Variants in DENND5B observed in about 807,000 individuals in gnomAD.
DENND5B encodes the protein DENN domain-containing protein 5B.
DENND5B carries 34 observed loss-of-function variants against 140.6 expected under a neutral mutation model. The ratio of observed to expected loss-of-function variants is 0.24; its 90% CI spans 0.18 to 0.32. The LOEUF is 0.32. Ranked by LOEUF, DENND5B falls within the 10% of genes least tolerant of loss-of-function variation. The pLI, the probability that DENND5B is intolerant of heterozygous loss-of-function variation, is 1.00. For synonymous variants in DENND5B, 551 were observed against 562.1 expected (o/e 0.98, Z 0.28); for missense variants, 1,142 against 1,560.2 (o/e 0.73, Z 4.52).
At chr12:31,389,936 C>G (rs1482107070) in intron 19 of DENND5B, among the ~76,000 whole-genome samples, 2 of 150,030 alleles carry the variant, frequency 1.3e-5, no homozygotes, top group Non-Finnish European at 3.0e-5. Context: ...AAGTACCTGA[C>G]AAAGAGAGAT....
intron 1 of DENND5B, among the ~76,000 whole-genome samples, chr12:31,585,253 A>G (rs1256974320): frequency 2.0e-5 from 3 of 152,210 alleles, no homozygotes; most frequent in Non-Finnish European, 4.4e-5. Context: ...ATTAAAATGA[A>G]GGCTGATCCC....
intron 2 of DENND5B, among the ~76,000 whole-genome samples, chr12:31,490,224 G>A (rs574015177): frequency 6.7e-4 from 101 of 151,142 alleles, no homozygotes; most frequent in Non-Finnish European, 1.2e-3. Context: ...TAGCTGCAAT[G>A]TTAAGGAAAC....
rs118076724 is a variant in DENND5B, at chr12:31,525,350, C to T, written c.128-29431G>A. 2.6e-3 allele frequency among the ~76,000 whole-genome samples: 399 copies of T among 152,174 alleles called. 2 individuals are homozygous for T. The highest frequency in any genetic ancestry group is 4.3e-3 in the Non-Finnish European group (292 of 67,994). The stretch of plus-strand genomic sequence containing the variant: ...TACTTCTATAAAATAGAATATCTGG[C>T]CATAAATAGGAATGTAGTACTGATG... On this transcript the variant is annotated intron_variant, in intron 1 of 20. Transcript: ENST00000389082.
chr12:31,507,196 G>A (rs1947237119), intron 1 of DENND5B, among the ~76,000 whole-genome samples: 1 of 150,664 alleles, frequency 6.6e-6, no homozygotes, highest in South Asian at 2.1e-4. Flanking sequence ...TTTTTTTTTA[G>A]AGACAGGCTG....
intron 1 of DENND5B, among the ~76,000 whole-genome samples, chr12:31,511,426 A>C (rs952000565): frequency 1.3e-5 from 2 of 152,214 alleles, no homozygotes; most frequent in African/African-American, 4.8e-5. Flanking sequence ...ACACTGTACT[A>C]AACAAATATT....
chr12:31,577,529 T>A (rs975484076), intron 1 of DENND5B, among the ~76,000 whole-genome samples: 3 of 151,298 alleles, frequency 2.0e-5, no homozygotes, highest in Non-Finnish European at 4.4e-5. Flanking sequence ...GCTAACATGG[T>A]GAAACCCCGT....
chr12:31,488,735 A>G (rs1228659866), intron 2 of DENND5B, among the ~76,000 whole-genome samples: 2 of 152,262 alleles, frequency 1.3e-5, no homozygotes, highest in Non-Finnish European at 2.9e-5. Context: ...GTCAGGAACT[A>G]CAAGAAATCT....
chr12:31,574,295 A>AATAATAATAATTATTATT (rs374578025), intron 1 of DENND5B, among the ~76,000 whole-genome samples: 20 of 144,594 alleles, frequency 1.4e-4, no homozygotes, highest in South Asian at 6.6e-4. Context: ...TAATAATAAT[A>AATAATAATAATTATTATT]ATTTAAAAGG....
intron 2 of DENND5B, among the ~76,000 whole-genome samples, chr12:31,493,020 T>C (rs575037302): frequency 4.1e-4 from 63 of 152,290 alleles, no homozygotes; most frequent in African/African-American, 1.5e-3. Flanking sequence ...CACCATGCTA[T>C]CCCCTCCCTA....
intron 1 of DENND5B, among the ~76,000 whole-genome samples, chr12:31,547,386 G>A (rs535428949): frequency 5.3e-5 from 8 of 152,138 alleles, no homozygotes; most frequent in African/African-American, 7.2e-5. Flanking sequence ...GAAAATTTCC[G>A]GCTAGCAAAC....
chr12:31,554,128 C>A (rs1410966300), intron 1 of DENND5B, among the ~76,000 whole-genome samples: 1 of 152,140 alleles, frequency 6.6e-6, no homozygotes, highest in African/African-American at 2.4e-5. Context: ...GGTTATTTTG[C>A]TTGTTAGTTG....
At chr12:31,395,142 A>G (rs920765690) in intron 17 of DENND5B, among the ~76,000 whole-genome samples, 2 of 151,932 alleles carry the variant, frequency 1.3e-5, no homozygotes, top group Non-Finnish European at 2.9e-5. Flanking sequence ...ATATGTATTC[A>G]TTTCTTTTGT....
rs1311405321 is a variant in DENND5B at position 31,447,579 on chromosome 12, C to T, written c.1820G>A (p.Arg607Gln). Residue 607 changes from arginine (R) to glutamine (Q), a missense_variant, in exon 6 of 21, where the codon CGG becomes CAG. By Grantham distance (43) the Arg-to-Gln change is conservative (BLOSUM62 1). This residue lies in a region of DENND5B where 708 missense variants were observed against 905.5 expected (regional missense o/e 0.78). Coordinates refer to ENST00000389082, the MANE Select transcript of DENND5B (RefSeq NM_144973.4). ...RLYNVRAPTL[R>Q]TSIYQKCSTL... ...GCTGCATTTCTGATATATAGATGTC[C>T]GCAAGGTGGGTGCCCTTACATTATA... 9.9e-6 allele frequency: 16 copies of T among 1,613,704 alleles called. No homozygotes were observed. The highest frequency in any genetic ancestry group is 3.3e-5 in the South Asian group (3 of 91,048).
Position 31,420,038 on chromosome 12 carries a change from T to C in DENND5B, c.2470+3559A>G, listed in dbSNP as rs1942949589. 3 of 983,802 alleles carry C rather than the reference T, an allele frequency of 3.0e-6. No homozygotes were observed. The South Asian group carries it at 1.4e-4, about 46-fold the overall frequency. 60.9% of individuals were successfully genotyped at this position (983,802 alleles called of 1,614,324 possible). ...TCCACTCCCTTCAGTGGAAGGGCTC[T>C]ACACCTACCCCCTGCCAAAATCCAT... is the stretch of plus-strand genomic sequence containing the variant. On this transcript the variant is annotated intron_variant, in intron 11 of 20. Transcript: ENST00000389082.
intron 1 of DENND5B, among the ~76,000 whole-genome samples, chr12:31,554,201 C>T (rs1038788943): frequency 2.3e-4 from 35 of 151,792 alleles, no homozygotes; most frequent in Non-Finnish European, 5.9e-5. Context: ...GTGGCTGGTA[C>T]CGGTTGTTCC....
intron 2 of DENND5B, 125 bp downstream of exon 2, chr12:31,495,685 T>C: frequency 1.2e-6 from 1 of 848,726 alleles, no homozygotes; most frequent in East Asian, 2.8e-5. Context: ...CTCACATTTC[T>C]TATAAAATCA....
chr12:31,490,235 G>A (rs936224566), intron 2 of DENND5B, among the ~76,000 whole-genome samples: 3 of 151,832 alleles, frequency 2.0e-5, no homozygotes, highest in East Asian at 1.9e-4. Context: ...TTAAGGAAAC[G>A]GGCGAGAGGA....
chr12:31,408,624 CAAAAAAAAA>C (rs33965275), intron 14 of DENND5B, among the ~76,000 whole-genome samples: 21 of 71,966 alleles, frequency 2.9e-4, no homozygotes, highest in Admixed American at 6.0e-4. Flanking sequence ...GAGACTCTAT[CAAAAAAAAA>C]AAAAAAAAAA....
intron 14 of DENND5B, among the ~76,000 whole-genome samples, chr12:31,405,055 C>A (rs1443282867): frequency 6.6e-6 from 1 of 151,370 alleles, no homozygotes; most frequent in Non-Finnish European, 1.5e-5. Flanking sequence ...CCACCGTGCC[C>A]GGCCCCTAGC....
Sources: allele counts gnomAD v4.1 joint callset (sites outside exome capture counted in the v4.1 genomes callset), GRCh38; gene constraint gnomAD v4.1.1; regional missense constraint gnomAD v4.1.1; transcripts MANE v1.5; gene names NCBI Gene and HGNC (gene_info 2026-07-23, HGNC 2026-07-21).